Variants in RBM10 observed in about 807,000 individuals in gnomAD.
RBM10 encodes RNA binding motif protein 10.
In RBM10, 1 loss-of-function variant was observed where a neutral mutation model predicts 84.9. That is an observed-to-expected ratio of 0.01 (90% CI 0.00 to 0.06). The LOEUF (loss-of-function observed/expected upper bound fraction) is 0.06, where lower values mean the gene tolerates loss of function less well. Ranked by LOEUF, RBM10 falls within the 10% of genes least tolerant of loss-of-function variation. RBM10 has a pLI of 1.00. For synonymous variants in RBM10, 326 were observed against 344.5 expected, an observed-to-expected ratio of 0.95 and a Z score of 0.60; for missense variants, 438 against 839.0, an observed-to-expected ratio of 0.52 and a Z score of 5.90.
intron 7 of RBM10, among the ~76,000 whole-genome samples, chrX:47,177,008 A>G (rs1384148012): frequency 8.9e-6 from 1 of 111,837 alleles, no homozygotes; most frequent in Admixed American, 9.5e-5. Flanking sequence ...ATTTTGGCCA[A>G]GGTGCTTAGC....
Position 47,179,995 on chromosome X carries a change from C to T in RBM10, c.1017C>T (p.Thr339=), listed in dbSNP as rs1556778199. The T allele has an allele frequency of 1.7e-6, 2 of 1,211,763 alleles. No individual in the cohort carries two copies. Among genetic ancestry groups the T allele is most frequent in the Non-Finnish European group, 1.1e-6 (1 of 895,482 alleles). ...SNVRVIKDKQ[T]QLNRGFAFIQ... ...TGCGCGTCATAAAGGACAAGCAGAC[C>T]CAACTGAACCGCGGCTTTGCCTTCA... The change falls in exon 10 of 24, where the codon ACC becomes ACT. Residue 339 remains threonine, a synonymous_variant. Transcript: ENST00000377604.
Position 47,155,730 on chromosome X carries a change from CAAA to C in RBM10, c.17+8249_17+8251del, listed in dbSNP as rs1245227933. 7.5e-3 allele frequency among the ~76,000 whole-genome samples: 217 copies of C among 28,789 alleles called. 1 individual carries two copies. Among genetic ancestry groups the C allele is most frequent in the African/African-American group, 0.027 (212 of 7,937 alleles). 25.0% of individuals were successfully genotyped at this position (28,789 alleles called of 115,157 possible). On this transcript the variant is annotated intron_variant, in intron 2 of 23. Coordinates refer to ENST00000377604, the MANE Select transcript of RBM10 (RefSeq NM_005676.5). ...TGGGCAACAGAGCGAGACTCCATCT[CAAA>C]AAAAAAAAAAAAAAAAGAATTTTAC...
At chrX:47,157,200 T>C in intron 2 of RBM10, 1 of 270,872 alleles carries the variant, frequency 3.7e-6, no homozygotes, top group Non-Finnish European at 7.0e-6. Flanking sequence ...CTGTGGCTAT[T>C]GAGGAAGATG....
chrX:47,156,367 C>T (rs987376219), intron 2 of RBM10, among the ~76,000 whole-genome samples: 1 of 110,373 alleles, frequency 9.1e-6, no homozygotes, highest in Non-Finnish European at 1.9e-5. Flanking sequence ...TTAAAGGATA[C>T]ACATACAGTT....
Position 47,186,612 on chromosome X carries a change from G to A in RBM10, c.*13G>A, listed in dbSNP as rs782063807. The A allele has an allele frequency of 8.3e-7, 1 of 1,211,411 alleles. No individual in the cohort carries two copies. The highest frequency in any genetic ancestry group is 2.2e-5 in the Admixed American group (1 of 46,103). ...CGAGGCCCAGTGAGCAGCTTCAAGA[G>A]CAACTTCTCCACATGTTGGGTGTCC... is the stretch of plus-strand genomic sequence containing the variant. On this transcript the variant is annotated 3_prime_UTR_variant, in exon 24 of 24. Coordinates refer to ENST00000377604, the MANE Select transcript of RBM10 (RefSeq NM_005676.5).
At chrX:47,157,648 GA>G in intron 2 of RBM10, 1 of 520,691 alleles carries the variant, frequency 1.9e-6, no homozygotes, top group Non-Finnish European at 3.5e-6. Flanking sequence ...ATGTAGTCCT[GA>G]AACCTGTGCA....
chrX:47,152,126 C>T (rs1398137977), intron 2 of RBM10, among the ~76,000 whole-genome samples: 6 of 111,968 alleles, frequency 5.4e-5, no homozygotes, highest in Admixed American at 2.9e-4. Flanking sequence ...ACATGAGAAT[C>T]GCTTGAACCT....
At chrX:47,177,194 G>A (rs12852223) in intron 7 of RBM10, among the ~76,000 whole-genome samples, 57,086 of 111,524 alleles carry the variant, frequency 0.51, 11,715 homozygotes, top group Non-Finnish European at 0.66. Flanking sequence ...AGCACAGAGC[G>A]TTCTGAGAGC....
Position 47,176,714 on chromosome X carries a change from G to GTC in RBM10, c.663+157_663+158dup, listed in dbSNP as rs59489451. 56,426 of 919,310 alleles carry GTC rather than the reference G, an allele frequency of 0.061. 1,824 individuals are homozygous for GTC. Among genetic ancestry groups the GTC allele is most frequent in the African/African-American group, 0.3 (12,098 of 40,249 alleles). 75.8% of individuals were successfully genotyped at this position (919,310 alleles called of 1,213,427 possible). On this transcript the variant is annotated intron_variant, in intron 7 of 23. Transcript: ENST00000377604. ...CTCCCCCAATCTCTCCTCTCCCTCTGTCTCTCTCTCTCTCTCTCTCTCTCT... is the reference window on the plus strand; with the variant it reads ...CTCCCCCAATCTCTCCTCTCCCTCTGTCTCTCTCTCTCTCTCTCTCTCTCTCT...
chrX:47,145,600 G>A, intron 1 of RBM10, 115 bp downstream of exon 1: 1 of 560,039 alleles, frequency 1.8e-6, no homozygotes, highest in Non-Finnish European at 2.6e-6. Context: ...AGGGGTTGGT[G>A]CAATGTCTCA....
chrX:47,156,375 GT>G (rs202052447), intron 2 of RBM10, among the ~76,000 whole-genome samples: 22 of 105,091 alleles, frequency 2.1e-4, no homozygotes, highest in Admixed American at 4.1e-4. Context: ...TACACATACA[GT>G]TTTTTTTTTT....
At position 47,169,513 on chromosome X, in the gene RBM10, C is replaced by A. The variant is rs782647107; in HGVS notation, c.201+15C>A. ...AGAGTGCGGAGGTGAGGAGGGGGCG[C>A]GCTGCGCCAGGCCTGGCTGGGATGG... On this transcript the variant is annotated intron_variant, in intron 3 of 23. Coordinates refer to ENST00000377604, the MANE Select transcript of RBM10 (RefSeq NM_005676.5). The A allele has an allele frequency of 8.4e-7, 1 of 1,196,789 alleles. No homozygotes were observed. Among genetic ancestry groups the A allele is most frequent in the Non-Finnish European group, 1.1e-6 (1 of 888,364 alleles).
At chrX:47,154,391 T>G (rs1932921133) in intron 2 of RBM10, among the ~76,000 whole-genome samples, 1 of 109,611 alleles carries the variant, frequency 9.1e-6, no homozygotes, top group African/African-American at 3.3e-5. Context: ...TCTGAAAATT[T>G]ATAAATTTAT....
At chrX:47,176,679 A>G (rs1284424723) in intron 7 of RBM10, 93 bp downstream of exon 7, 1 of 1,059,958 alleles carries the variant, frequency 9.4e-7, no homozygotes, top group Admixed American at 3.0e-5. Context: ...TTCTCCCTCC[A>G]TCTCTCCCCC....
At position 47,179,929 on chromosome X, in the gene RBM10, G is replaced by A. The variant is rs2147172985; in HGVS notation, c.951G>A (p.Leu317=). Reference sequence around the variant, plus strand: ...CACACAGCACCATGGATTCCATCCTGGGGGCCCTGGCACCCTACGCGGTGC... The same window carrying A: ...CACACAGCACCATGGATTCCATCCTAGGGGCCCTGGCACCCTACGCGGTGC... The part of the protein sequence containing the change: ...LNPHSTMDSI[L]GALAPYAVLS... The change falls in exon 10 of 24, where the codon CTG becomes CTA. Residue 317 remains leucine (L), a synonymous_variant. Coordinates refer to ENST00000377604, the MANE Select transcript of RBM10 (RefSeq NM_005676.5). 1 of 1,210,038 alleles carries A rather than the reference G, an allele frequency of 8.3e-7. No homozygotes were observed. The highest frequency in any genetic ancestry group is 1.7e-5 in the African/African-American group (1 of 57,713).
chrX:47,185,642 T>C lies in RBM10; in HGVS notation c.2355+12T>C. ...CAGGGCTCCACAAGGTAACAGCGGA[T>C]GGTTGGCAGGGCATGCTGGGGCCTG... is the stretch of plus-strand genomic sequence containing the variant. On this transcript the variant is annotated intron_variant, in intron 20 of 23. Coordinates refer to ENST00000377604, the MANE Select transcript of RBM10 (RefSeq NM_005676.5). The C allele has an allele frequency of 1.7e-6, 2 of 1,208,071 alleles. No individual in the cohort carries two copies. The highest frequency in any genetic ancestry group is 1.1e-6 in the Non-Finnish European group (1 of 893,452).
In RBM10 at chrX:47,171,183, G is replaced by T. The variant is rs868917893; in HGVS notation, c.357G>T (p.Glu119Asp). 1 of 1,206,106 alleles carries T rather than the reference G, an allele frequency of 8.3e-7. No homozygotes were observed. Among genetic ancestry groups the T allele is most frequent in the East Asian group, 3.0e-5 (1 of 33,563 alleles). ...AAGGGGAGGAGGAGGAGGAGGAGGAGGATGAGGAGGAGGAGGAGAAGGCCA... is the reference window on the plus strand; with the variant it reads ...AAGGGGAGGAGGAGGAGGAGGAGGATGATGAGGAGGAGGAGGAGAAGGCCA... ...TEQGEEEEEE[E>D]DEEEEEKASN... is the part of the protein sequence containing the mutation. The change falls in exon 4 of 24, where the codon GAG becomes GAT. Residue 119 changes from glutamate to aspartate, a missense_variant. Physicochemically the swap from Glu to Asp is conservative, Grantham distance 45. Transcript: ENST00000377604.
chrX:47,175,413 C>G (rs1434631957), intron 6 of RBM10, among the ~76,000 whole-genome samples: 1 of 110,706 alleles, frequency 9.0e-6, no homozygotes, highest in Non-Finnish European at 1.9e-5. Context: ...TCCCACTCCC[C>G]CGGGGCTGGT....
intron 21 of RBM10, 98 bp downstream of exon 21, chrX:47,185,888 G>A (rs1227943302): frequency 2.4e-5 from 28 of 1,171,250 alleles, no homozygotes; most frequent in Middle Eastern, 2.4e-4. Context: ...TGTTAACCCC[G>A]TGAGCCTTCT....
Sources: allele counts gnomAD v4.1 joint callset (sites outside exome capture counted in the v4.1 genomes callset), GRCh38; gene constraint gnomAD v4.1.1; transcripts MANE v1.5; gene names NCBI Gene and HGNC (gene_info 2026-07-23, HGNC 2026-07-21).